The following COASY variants were observed in gnomAD, a reference collection of about 807,000 sequenced individuals.
The protein encoded by COASY is Coenzyme A synthase.
COASY carries 31 observed loss-of-function variants against 49.4 expected under a neutral mutation model. The ratio of observed to expected loss-of-function variants is 0.63; its 90% CI spans 0.47 to 0.85. The LOEUF is 0.85. Ranked by LOEUF, COASY falls within the 40% of genes least tolerant of loss-of-function variation. COASY has a pLI of 0.00. For missense variants in COASY, 730 were observed against 734.1 expected (o/e 0.99, Z 0.06); for synonymous variants, 285 against 310.9 (o/e 0.92, Z 0.88).
chr17:42,564,017 G>A lies in COASY; in HGVS notation c.757G>A (p.Glu253Lys). The A allele has an allele frequency of 1.2e-6, 2 of 1,614,098 alleles. No individual in the cohort carries two copies. The highest frequency in any genetic ancestry group is 1.7e-6 in the Non-Finnish European group (2 of 1,179,998). The change falls in exon 2 of 9, where the codon GAA (glutamate) becomes AAA (lysine). Residue 253 changes from glutamate (E) to lysine (K), a missense_variant. Coordinates refer to ENST00000393818, the MANE Select transcript of COASY (RefSeq NM_025233.7). ...PYTERVEHLS[E>K]FLVDIKPSLT... Reference sequence around the variant, plus strand: ...TACAGAACGTGTGGAACATCTGAGTGAATTCCTGGTGGACATCAAGCCCTC... The same window carrying A: ...TACAGAACGTGTGGAACATCTGAGTAAATTCCTGGTGGACATCAAGCCCTC...
Position 42,562,912 on chromosome 17 carries a change from T to A in COASY, c.290T>A (p.Leu97His). The change falls in exon 1 of 9, where the codon CTC (leucine) becomes CAC (histidine). Residue 97 changes from leucine (L) to histidine (H), a missense_variant. Transcript: ENST00000393818. Reference sequence around the variant, plus strand: ...AATATCCGAACCAAGAGCACCTTTCTCCCTCCCCTGCCCACCTCAGTCCAG... The same window carrying A: ...AATATCCGAACCAAGAGCACCTTTCACCCTCCCCTGCCCACCTCAGTCCAG... The part of the protein sequence containing the change: ...LTNIRTKSTF[L>H]PPLPTSVQNL... The A allele has an allele frequency of 6.2e-7, 1 of 1,611,220 alleles. No homozygotes were observed. Among genetic ancestry groups the A allele is most frequent in the Non-Finnish European group, 8.5e-7 (1 of 1,177,728 alleles).
chr17:42,563,496 C>G (rs1003824340), intron 1 of COASY, 174 bp downstream of exon 1: 10 of 638,064 alleles, frequency 1.6e-5, no homozygotes, highest in Non-Finnish European at 2.7e-5. Context: ...GAACAGCTTT[C>G]TCAGCATGTG....
chr17:42,566,102 C>T lies in COASY; in HGVS notation c.*134C>T, dbSNP rs1252594029. 5.5e-6 allele frequency: 5 copies of T among 908,942 alleles called. No homozygotes were observed. The highest frequency in any genetic ancestry group is 8.6e-6 in the Non-Finnish European group (5 of 580,982). The allele number at this position is 908,942 out of a possible 1,614,324, so 56.3% of individuals were successfully genotyped here. On this transcript the variant is annotated 3_prime_UTR_variant, in exon 9 of 9. Transcript: ENST00000393818. Reference sequence around the variant, plus strand: ...TATACTGTGCAGGACATGGCCAGGCCTGGTGGACACAGGAAGCCTACCCAA... The same window carrying T: ...TATACTGTGCAGGACATGGCCAGGCTTGGTGGACACAGGAAGCCTACCCAA...
chr17:42,565,172 G>A (rs747926305), intron 5 of COASY, 55 bp from the exon 6 acceptor site: 29 of 1,602,300 alleles, frequency 1.8e-5, no homozygotes, highest in South Asian at 7.7e-5. Flanking sequence ...CACCTTGCTC[G>A]GGCTGGCTGC....
At position 42,562,478 on chromosome 17, in the gene COASY, G is replaced by A. The variant is rs753365072; in HGVS notation, c.-145G>A. ...CTACCAGGCCCCGTCCCCTCCCCCG[G>A]CTCCTGTCGGTCAGCACTGAAACCC... On this transcript the variant is annotated 5_prime_UTR_variant, in exon 1 of 9. Coordinates refer to ENST00000393818, the MANE Select transcript of COASY (RefSeq NM_025233.7). The A allele has an allele frequency of 7.4e-6, 12 of 1,613,494 alleles. No homozygotes were observed. The highest frequency in any genetic ancestry group is 1.7e-5 in the Admixed American group (1 of 59,992).
At chr17:42,564,600 C>T (rs2092993079) in intron 3 of COASY, 23 bp downstream of exon 3, 1 of 1,595,772 alleles carries the variant, frequency 6.3e-7, no homozygotes, top group South Asian at 1.1e-5. Flanking sequence ...CCCTCCTTCC[C>T]TCCTGCTTGG....
chr17:42,565,483 G>T lies in COASY; in HGVS notation c.1400G>T (p.Cys467Phe). Residue 467 changes from cysteine (C) to phenylalanine (F), a missense_variant, in exon 7 of 9, where the codon TGT (cysteine) becomes TTT (phenylalanine). Cys to Phe is a radical substitution (Grantham distance 205). Transcript: ENST00000393818. ...DRAVAEGKRVCVIDAAVLLEA... is the reference protein window; with the variant it reads ...DRAVAEGKRVFVIDAAVLLEA... ...GGTCTCCCCACAGGAAAGCGTGTGT[G>T]TGTGATTGATGCCGCTGTGTTGCTT... is the stretch of plus-strand genomic sequence containing the variant. The T allele has an allele frequency of 6.2e-7, 1 of 1,614,206 alleles. No individual in the cohort carries two copies. The highest frequency in any genetic ancestry group is 1.1e-5 in the South Asian group (1 of 91,084).
chr17:42,563,320 A>G lies in COASY; in HGVS notation c.698A>G (p.Lys233Arg). 1 of 1,579,190 alleles carries G rather than the reference A, an allele frequency of 6.3e-7. No individual in the cohort carries two copies. The highest frequency in any genetic ancestry group is 1.7e-5 in the Admixed American group (1 of 59,420). Residue 233 changes from lysine to arginine, a missense_variant and splice_region_variant, in exon 1 of 9, where the codon AAG becomes AGG. Lys to Arg is a conservative substitution (Grantham distance 26, BLOSUM62 2). Transcript: ENST00000393818. The part of the protein sequence containing the change: ...VVGVADKDLL[K>R]SKLLPELLQP... ...GGAGTAGCAGACAAAGATCTGTTGA[A>G]GAGTGAGTAAGAGGGACCCTGGACT...
chr17:42,565,197 G>A (rs1681498615), intron 5 of COASY, 30 bp from the exon 6 acceptor site: 2 of 1,612,022 alleles, frequency 1.2e-6, no homozygotes, highest in African/African-American at 2.7e-5. Context: ...TCTAGAGAAG[G>A]TAACCTCTGC....
In COASY at chr17:42,566,148, A is replaced by C; in HGVS notation, c.*180A>C. On this transcript the variant is annotated 3_prime_UTR_variant, in exon 9 of 9. Coordinates refer to ENST00000393818, the MANE Select transcript of COASY (RefSeq NM_025233.7). ...CCCAACACGCTGGTATTTGGCCAAC[A>C]CTGAGGATGTGGTTCATGGGGGAGC... The C allele has an allele frequency of 1.6e-6, 1 of 643,298 alleles. No individual in the cohort carries two copies. Among genetic ancestry groups the C allele is most frequent in the Non-Finnish European group, 2.7e-6 (1 of 370,520 alleles). 39.8% of individuals were successfully genotyped at this position (643,298 alleles called of 1,614,324 possible).
Position 42,564,465 on chromosome 17 carries a change from T to C in COASY, c.935T>C (p.Leu312Ser), listed in dbSNP as rs368766159. The change falls in exon 3 of 9, where the codon TTG becomes TCG. Residue 312 changes from leucine to serine, a missense_variant. Coordinates refer to ENST00000393818, the MANE Select transcript of COASY (RefSeq NM_025233.7). ...CCCCAGGACCTGGAGGAACTTGCTT[T>C]GTACCAGATCCAGCTGCTGAAGGAC... ...RLENDLEELA[L>S]YQIQLLKDLR... 3.1e-6 allele frequency: 5 copies of C among 1,613,516 alleles called. No individual in the cohort carries two copies. The highest frequency in any genetic ancestry group is 2.5e-6 in the Non-Finnish European group (3 of 1,179,742).
chr17:42,562,510 T>C lies in COASY; in HGVS notation c.-113T>C, dbSNP rs1433088776. On this transcript the variant is annotated 5_prime_UTR_variant, in exon 1 of 9. Transcript: ENST00000393818. ...TCGGTCAGCACTGAAACCCCGTCCCTGCTCCAGGCCTCCTTCTCTGGGGTC... is the reference window on the plus strand; with the variant it reads ...TCGGTCAGCACTGAAACCCCGTCCCCGCTCCAGGCCTCCTTCTCTGGGGTC... The C allele has an allele frequency of 6.2e-7, 1 of 1,613,162 alleles. No individual in the cohort carries two copies. Among genetic ancestry groups the C allele is most frequent in the East Asian group, 2.2e-5 (1 of 44,894 alleles).
chr17:42,562,743 C>T lies in COASY; in HGVS notation c.121C>T (p.Leu41=), dbSNP rs376318601. Residue 41 remains leucine (L), a synonymous_variant, in exon 1 of 9, where the codon CTG becomes TTG. Coordinates refer to ENST00000393818, the MANE Select transcript of COASY (RefSeq NM_025233.7). ...RLVNHTLYVH[L]QPGMSLEGPA... ...GGTGAATCACACACTCTATGTTCAC[C>T]TGCAGCCGGGCATGAGCCTGGAGGG... 37 of 1,592,262 alleles carry T rather than the reference C, an allele frequency of 2.3e-5. No individual in the cohort carries two copies. In the Admixed American group the frequency reaches 5.8e-4, roughly 25 times the overall value.
intron 6 of COASY, 53 bp downstream of exon 6, chr17:42,565,364 C>T: frequency 6.2e-7 from 1 of 1,608,256 alleles, no homozygotes; most frequent in Non-Finnish European, 8.5e-7. Context: ...GCTGTTTCTT[C>T]CCCTGGGAGC....
rs1404432323 is a variant in COASY, at chr17:42,565,785, C to A, written c.1612C>A (p.Pro538Thr). The stretch of plus-strand genomic sequence containing the variant: ...CGTGGTGCTCAGCACCTTGTGGGAG[C>A]CGCATATCACCCAACGCCAGGTTGG... Reference protein sequence around the residue: ...SHVVLSTLWEPHITQRQVEKA... With the variant: ...SHVVLSTLWETHITQRQVEKA... Residue 538 changes from proline (P) to threonine (T), a missense_variant, in exon 8 of 9, where the codon CCG (proline) becomes ACG (threonine). Transcript: ENST00000393818. 1.2e-6 allele frequency: 2 copies of A among 1,613,888 alleles called. No homozygotes were observed. The highest frequency in any genetic ancestry group is 2.2e-5 in the South Asian group (2 of 91,080).
rs535796292 is a variant in COASY, at chr17:42,563,170, C to A, written c.548C>A (p.Ser183Tyr). The change falls in exon 1 of 9, where the codon TCT (serine) becomes TAT (tyrosine). Residue 183 changes from serine (S) to tyrosine (Y), a missense_variant. Coordinates refer to ENST00000393818, the MANE Select transcript of COASY (RefSeq NM_025233.7). ...AGGCCAGCTTCCCCCGTGGCCGGGTCTCCAAAGCAGCCGGTGCGTGGCTAC... is the reference window on the plus strand; with the variant it reads ...AGGCCAGCTTCCCCCGTGGCCGGGTATCCAAAGCAGCCGGTGCGTGGCTAC... Reference protein sequence around the residue: ...TIRPASPVAGSPKQPVRGYYR... With the variant: ...TIRPASPVAGYPKQPVRGYYR... The A allele has an allele frequency of 6.2e-7, 1 of 1,613,854 alleles. No homozygotes were observed. Among genetic ancestry groups the A allele is most frequent in the Non-Finnish European group, 8.5e-7 (1 of 1,180,044 alleles).
Position 42,564,848 on chromosome 17 carries a change from A to G in COASY, c.1187A>G (p.Tyr396Cys), listed in dbSNP as rs375845459. ...IDSDHLGHRA[Y>C]APGGPAYQPV... ...AGTGACCACCTGGGTCATCGGGCCT[A>G]TGCCCCAGGTGGCCCTGCCTACCAG... Residue 396 changes from tyrosine (Y) to cysteine (C), a missense_variant, in exon 4 of 9, where the codon TAT becomes TGT. By Grantham distance (194) the Tyr-to-Cys change is radical. Transcript: ENST00000393818. 4.1e-5 allele frequency: 65 copies of G among 1,586,368 alleles called. No homozygotes were observed. Among genetic ancestry groups the G allele is most frequent in the Non-Finnish European group, 5.2e-5 (61 of 1,167,210 alleles).
At position 42,566,207 on chromosome 17, in the gene COASY, T is replaced by C; in HGVS notation, c.*239T>C. 1.7e-6 allele frequency: 1 copy of C among 571,778 alleles called. No individual in the cohort carries two copies. Among genetic ancestry groups the C allele is most frequent in the Non-Finnish European group, 3.1e-6 (1 of 319,022 alleles). The allele number at this position is 571,778 out of a possible 1,614,324, so 35.4% of individuals were successfully genotyped here. A position where few individuals can be genotyped will look rare whatever the true frequency, so the allele number is the denominator to read the frequency against. ...CCCCACTCTTGCCCATGGGTGACTC[T>C]TACCCACAGCTGACTAGGGCCAGCG... On this transcript the variant is annotated 3_prime_UTR_variant, in exon 9 of 9. Coordinates refer to ENST00000393818, the MANE Select transcript of COASY (RefSeq NM_025233.7).
At chr17:42,563,426 ACCCTTCCCAAATGT>A (rs2092987541) in intron 1 of COASY, 104 bp downstream of exon 1, 17 of 1,090,740 alleles carry the variant, frequency 1.6e-5, no homozygotes, top group Non-Finnish European at 1.9e-5. Flanking sequence ...ATTACTTCCC[ACCCTTCCCAAATGT>A]CACAGTGGTT....
Sources: allele counts gnomAD v4.1 joint callset, GRCh38; gene constraint gnomAD v4.1.1; transcripts MANE v1.5; gene names NCBI Gene and HGNC (gene_info 2026-07-23, HGNC 2026-07-21).